The following TMEM108 variants were observed in gnomAD, a reference collection of about 807,000 sequenced individuals.
TMEM108 encodes cancer/testis antigen 124.
Under a neutral mutation model 35.1 loss-of-function variants are expected in TMEM108, and 12 were observed. The observed-to-expected ratio is 0.34, with a 90% CI of 0.22 to 0.55. TMEM108 has a LOEUF of 0.55. TMEM108 is among the 20% of genes least tolerant of loss of function. TMEM108 has a pLI of 0.89. For synonymous variants in TMEM108, 287 were observed against 308.6 expected, an observed-to-expected ratio of 0.93 and a Z score of 0.73; for missense variants, 680 against 753.3, an observed-to-expected ratio of 0.90 and a Z score of 1.14.
chr3:133,215,308 A>C (rs1235864139), intron 2 of TMEM108, among the ~76,000 whole-genome samples: 1 of 151,530 alleles, frequency 6.6e-6, no homozygotes, highest in Non-Finnish European at 1.5e-5. Flanking sequence ...GCATCTCAGC[A>C]CTTTGCTTGC....
At position 133,182,226 on chromosome 3, in the gene TMEM108, G is replaced by A. The variant is rs193051675; in HGVS notation, c.-46-47040G>A. Among the ~76,000 whole-genome samples the A allele has an allele frequency of 2.0e-5, 3 of 152,238 alleles. No homozygotes were observed. In the East Asian group the frequency reaches 5.8e-4, roughly 29 times the overall value. On this transcript the variant is annotated intron_variant, in intron 2 of 5. Transcript: ENST00000321871. Reference sequence around the variant, plus strand: ...GTAGATCGATTAACCAGACTACATTGAAGGCAAGGAAGGTTAACTTTTCCC... The same window carrying A: ...GTAGATCGATTAACCAGACTACATTAAAGGCAAGGAAGGTTAACTTTTCCC...
At position 133,397,522 on chromosome 3, in the gene TMEM108, T is replaced by G. The variant is rs1033324710; in HGVS notation, c.*1536T>G. 1 of 152,180 alleles carries G rather than the reference T, an allele frequency of 6.6e-6. No individual in the cohort carries two copies. Among genetic ancestry groups the G allele is most frequent in the African/African-American group, 2.4e-5 (1 of 41,452 alleles). 9.4% of individuals were successfully genotyped at this position (152,180 alleles called of 1,614,324 possible). A position where few individuals can be genotyped will look rare whatever the true frequency, so the allele number is the denominator to read the frequency against. ...GAAGCAACTAAATGTTTCTCTAAGT[T>G]TAATTTTCTAGCGTGTTGTTGTCTT... is the stretch of plus-strand genomic sequence containing the variant. On this transcript the variant is annotated 3_prime_UTR_variant, in exon 6 of 6. Transcript: ENST00000321871.
intron 2 of TMEM108, chr3:133,124,776 G>T (rs188808492): frequency 6.6e-6 from 1 of 152,414 alleles, no homozygotes; most frequent in East Asian, 1.9e-4. Flanking sequence ...GGTGGTGTGT[G>T]TTGGTTGCCA....
intron 3 of TMEM108, among the ~76,000 whole-genome samples, chr3:133,238,410 C>A (rs967621964): frequency 5.3e-5 from 8 of 152,126 alleles, no homozygotes; most frequent in African/African-American, 4.8e-5. Context: ...ATTTTATGAA[C>A]CACTAAAAAA....
rs530002885 is a variant in TMEM108 at position 133,088,593 on chromosome 3, A to G, written c.-47+42573A>G. Among the ~76,000 whole-genome samples, 8 of 152,342 alleles carry G rather than the reference A, an allele frequency of 5.3e-5. No individual in the cohort carries two copies. In the East Asian group the frequency reaches 1.5e-3, roughly 29 times the overall value. ...TTTTATAGATCTGTGCTAGTAGTTC[A>G]TCCACAAAGAAGGATTTGGTGCTAA... is the stretch of plus-strand genomic sequence containing the variant. On this transcript the variant is annotated intron_variant, in intron 2 of 5. Transcript: ENST00000321871.
chr3:133,251,469 T>C (rs1946469713), intron 3 of TMEM108, among the ~76,000 whole-genome samples: 1 of 152,124 alleles, frequency 6.6e-6, no homozygotes, highest in African/African-American at 2.4e-5. Context: ...AACTCAAAGA[T>C]CACTATGACT....
At chr3:133,205,946 A>G (rs1259379088) in intron 2 of TMEM108, among the ~76,000 whole-genome samples, 1 of 152,182 alleles carries the variant, frequency 6.6e-6, no homozygotes, top group Non-Finnish European at 1.5e-5. Context: ...AATCAAATAT[A>G]GGTTGGTGTT....
intron 3 of TMEM108, among the ~76,000 whole-genome samples, chr3:133,317,048 G>C (rs1357051009): frequency 6.6e-6 from 1 of 150,394 alleles, no homozygotes; most frequent in Non-Finnish European, 1.5e-5. Context: ...AAGGTTTGTA[G>C]ATACCTTTGT....
At chr3:133,094,164 T>A (rs1348310539) in intron 2 of TMEM108, among the ~76,000 whole-genome samples, 1 of 151,726 alleles carries the variant, frequency 6.6e-6, no homozygotes, top group Admixed American at 6.6e-5. Flanking sequence ...AGTACCTGTG[T>A]CCCTTCTGAT....
chr3:133,148,376 T>C (rs914545974), intron 2 of TMEM108, among the ~76,000 whole-genome samples: 1 of 152,150 alleles, frequency 6.6e-6, no homozygotes, highest in Non-Finnish European at 1.5e-5. Context: ...CTTGGGGAAG[T>C]TGGAAAATGT....
At chr3:133,336,033 A>C (rs988226637) in intron 3 of TMEM108, among the ~76,000 whole-genome samples, 10 of 152,274 alleles carry the variant, frequency 6.6e-5, no homozygotes, top group Non-Finnish European at 4.4e-5. Flanking sequence ...GCCAGAGAGG[A>C]ATTGCCCATC....
chr3:133,375,656 CA>C (rs1432842403), intron 3 of TMEM108, among the ~76,000 whole-genome samples: 1 of 152,096 alleles, frequency 6.6e-6, no homozygotes, highest in Non-Finnish European at 1.5e-5. Context: ...CCTTTTGTGC[CA>C]AAGAAGAGAG....
chr3:133,046,370 T>C (rs755782727), intron 2 of TMEM108, among the ~76,000 whole-genome samples: 4 of 152,252 alleles, frequency 2.6e-5, no homozygotes, highest in Non-Finnish European at 5.9e-5. Context: ...CCATGTCATA[T>C]GTTAGCTCTG....
intron 2 of TMEM108, among the ~76,000 whole-genome samples, chr3:133,170,764 A>G (rs750777967): frequency 6.6e-6 from 1 of 152,218 alleles, no homozygotes; most frequent in African/African-American, 2.4e-5. Context: ...ATATCAGTAT[A>G]TATCAGTTAA....
intron 2 of TMEM108, among the ~76,000 whole-genome samples, chr3:133,169,147 A>G (rs1386480981): frequency 2.0e-4 from 31 of 152,204 alleles, no homozygotes; most frequent in Admixed American, 1.8e-3. Flanking sequence ...AACAGCATTA[A>G]TCCATTCATG....
intron 2 of TMEM108, among the ~76,000 whole-genome samples, chr3:133,210,643 T>G (rs1414756516): frequency 6.6e-6 from 1 of 152,254 alleles, no homozygotes; most frequent in East Asian, 1.9e-4. Context: ...GCTATTGTAT[T>G]ATTTTATGCA....
At chr3:133,286,768 A>G (rs1946991520) in intron 3 of TMEM108, among the ~76,000 whole-genome samples, 1 of 152,230 alleles carries the variant, frequency 6.6e-6, no homozygotes, top group Non-Finnish European at 1.5e-5. Flanking sequence ...GCCGTTGGCC[A>G]CTAAATGGTC....
chr3:133,275,964 G>A (rs1403309839), intron 3 of TMEM108, among the ~76,000 whole-genome samples: 1 of 152,140 alleles, frequency 6.6e-6, no homozygotes, highest in African/African-American at 2.4e-5. Flanking sequence ...CTATGACAGT[G>A]CAGTTGTCCT....
rs116250008 is a variant in TMEM108, at chr3:133,190,003, C to T, written c.-46-39263C>T. Among the ~76,000 whole-genome samples, 1,392 of 152,056 alleles carry T rather than the reference C, an allele frequency of 9.2e-3. 20 individuals carry two copies. The highest frequency in any genetic ancestry group is 0.032 in the African/African-American group (1,316 of 41,426). On this transcript the variant is annotated intron_variant, in intron 2 of 5. Coordinates refer to ENST00000321871, the MANE Select transcript of TMEM108 (RefSeq NM_023943.4). ...CTCTCTTTGCTTTTGGTTGGAAGCC[C>T]GTACCCCAAGAGGGATGTAGAAAAT...
Sources: gnomAD v4.1 joint callset for allele counts (sites outside exome capture counted in the v4.1 genomes callset) on GRCh38, gnomAD v4.1.1 for gene constraint, MANE v1.5 for transcripts, NCBI Gene and HGNC (gene_info 2026-07-23, HGNC 2026-07-21) for gene names.